The following GAB4 variants were observed in gnomAD, a reference collection of about 807,000 sequenced individuals.
GAB4 encodes GRB2 associated binding protein family member 4, also known as GRB2-associated-binding protein 4.
Under a neutral mutation model 51.3 loss-of-function variants are expected in GAB4, and 26 were observed. The observed-to-expected ratio is 0.51, with a 90% CI of 0.37 to 0.70. The LOEUF (loss-of-function observed/expected upper bound fraction) is 0.70. GAB4 is among the 30% of genes least tolerant of loss of function. The pLI is 0.00. For synonymous variants in GAB4, 329 were observed against 291.2 expected (o/e 1.13, Z -1.32); for missense variants, 759 against 734.6 (o/e 1.03, Z -0.38).
intron 1 of GAB4, among the ~76,000 whole-genome samples, chr22:16,998,512 C>T (rs1185416598): frequency 6.6e-6 from 1 of 152,194 alleles, no homozygotes; most frequent in Non-Finnish European, 1.5e-5. Context: ...TAAGACTTGG[C>T]TGAAGTTGCT....
chr22:16,975,240 C>T (rs1031980543), intron 3 of GAB4, among the ~76,000 whole-genome samples: 22 of 152,188 alleles, frequency 1.4e-4, no homozygotes, highest in Non-Finnish European at 5.9e-5. Flanking sequence ...CCATGGAGAC[C>T]AGCAAGCTAA....
At chr22:17,000,927 G>T (rs576545333) in intron 1 of GAB4, among the ~76,000 whole-genome samples, 53 of 152,060 alleles carry the variant, frequency 3.5e-4, no homozygotes, top group Non-Finnish European at 7.5e-4. Flanking sequence ...TGAAATTCTG[G>T]GTTGAAAATT....
Position 16,979,571 on chromosome 22 carries a change from A to G in GAB4, c.686+8389T>C, listed in dbSNP as rs139273486. Reference sequence around the variant, plus strand: ...ATGCTCATGGATAGGAAGAATCAATATCGTGAAAATGGCCATACTGCCCAA... The same window carrying G: ...ATGCTCATGGATAGGAAGAATCAATGTCGTGAAAATGGCCATACTGCCCAA... On this transcript the variant is annotated intron_variant, in intron 3 of 9. Transcript: ENST00000400588. Among the ~76,000 whole-genome samples, 608 of 152,332 alleles carry G rather than the reference A, an allele frequency of 4.0e-3. 1 individual carries two copies. The highest frequency in any genetic ancestry group is 0.024 in the Middle Eastern group (7 of 294).
In GAB4 at chr22:17,004,864, G is replaced by A. The variant is rs150557258; in HGVS notation, c.174+3077C>T. ...GATGGAACATATCTCAAAATAATAC[G>A]TTATTTATGACAAACCCACAGCTAA... On this transcript the variant is annotated intron_variant, in intron 1 of 9. Coordinates refer to ENST00000400588, the MANE Select transcript of GAB4 (RefSeq NM_001037814.1). 4.2e-3 allele frequency among the ~76,000 whole-genome samples: 639 copies of A among 152,166 alleles called. 3 individuals carry two copies. The highest frequency in any genetic ancestry group is 7.2e-3 in the Non-Finnish European group (489 of 68,014).
At chr22:16,979,182 C>A (rs963442760) in intron 3 of GAB4, among the ~76,000 whole-genome samples, 18 of 152,050 alleles carry the variant, frequency 1.2e-4, no homozygotes, top group African/African-American at 4.1e-4. Context: ...CTGGCCAGGG[C>A]AATCAGTCAA....
chr22:17,006,564 T>C (rs1453344826), intron 1 of GAB4, among the ~76,000 whole-genome samples: 2 of 152,218 alleles, frequency 1.3e-5, no homozygotes, highest in Non-Finnish European at 2.9e-5. Context: ...CCCGTATGTT[T>C]ATTGCAGCAC....
intron 1 of GAB4, among the ~76,000 whole-genome samples, chr22:16,993,289 C>T (rs145029251): frequency 1.3e-5 from 2 of 152,242 alleles, no homozygotes; most frequent in Non-Finnish European, 2.9e-5. Context: ...GAGCTTGTCT[C>T]GGCTATTGGA....
At chr22:16,968,258 C>T (rs1311709356) in intron 5 of GAB4, 40 bp downstream of exon 5, 5 of 1,407,240 alleles carry the variant, frequency 3.6e-6, no homozygotes, top group East Asian at 4.6e-5. Flanking sequence ...CCTTTACCTC[C>T]CTGAGCCAGT....
At chr22:16,997,081 G>T (rs900378130) in intron 1 of GAB4, among the ~76,000 whole-genome samples, 21 of 152,024 alleles carry the variant, frequency 1.4e-4, no homozygotes, top group Non-Finnish European at 2.8e-4. Context: ...CTTTGCTATT[G>T]TGAATAGTGC....
chr22:16,993,159 A>G (rs2060926592), intron 1 of GAB4, among the ~76,000 whole-genome samples: 1 of 152,144 alleles, frequency 6.6e-6, no homozygotes, highest in African/African-American at 2.4e-5. Context: ...AGACTGAGTG[A>G]TCCATGAGCA....
intron 1 of GAB4, among the ~76,000 whole-genome samples, chr22:17,006,023 G>A (rs1205914982): frequency 1.3e-5 from 2 of 152,252 alleles, no homozygotes; most frequent in Admixed American, 6.5e-5. Context: ...TGACAAATGG[G>A]ATCTATTTAA....
At chr22:16,996,541 G>A (rs1291916425) in intron 1 of GAB4, among the ~76,000 whole-genome samples, 1 of 152,058 alleles carries the variant, frequency 6.6e-6, no homozygotes, top group Non-Finnish European at 1.5e-5. Context: ...GGGAAAAAAT[G>A]GTAAGGGCAG....
chr22:16,966,381 G>A lies in GAB4; in HGVS notation c.1024-17C>T. ...TCTTCCTGGCTAGGAAGAGGACAGT[G>A]AAAGAAACACAGCTATCACCAGCAA... On this transcript the variant is annotated splice_polypyrimidine_tract_variant and intron_variant, in intron 5 of 9. Transcript: ENST00000400588. 1 of 1,602,252 alleles carries A rather than the reference G, an allele frequency of 6.2e-7. No individual in the cohort carries two copies.
intron 4 of GAB4, 143 bp downstream of exon 4, chr22:16,969,800 G>T: frequency 1.9e-6 from 2 of 1,035,532 alleles, no homozygotes; most frequent in Non-Finnish European, 2.9e-6. Flanking sequence ...CCACCACCAT[G>T]GCATAGAGGT....
In GAB4 at chr22:16,962,629, C is replaced by T; in HGVS notation, c.*104G>A. 2 of 1,106,530 alleles carry T rather than the reference C, an allele frequency of 1.8e-6. No homozygotes were observed. The highest frequency in any genetic ancestry group is 4.8e-5 in the Admixed American group (2 of 41,532). 68.5% of individuals were successfully genotyped at this position (1,106,530 alleles called of 1,614,324 possible). A position where few individuals can be genotyped will look rare whatever the true frequency, so the allele number is the denominator to read the frequency against. On this transcript the variant is annotated 3_prime_UTR_variant, in exon 10 of 10. Coordinates refer to ENST00000400588, the MANE Select transcript of GAB4 (RefSeq NM_001037814.1). ...AGGATGTATATTGATCAGGCCTCTG[C>T]TCTCTATGTAAGGGATGCGGTCCCT...
chr22:16,963,473 C>A (rs1434387659), intron 9 of GAB4, among the ~76,000 whole-genome samples: 1 of 152,178 alleles, frequency 6.6e-6, no homozygotes, highest in East Asian at 1.9e-4. Context: ...CCACAACCTC[C>A]ACAGATCAGG....
At chr22:16,979,125 A>G (rs1237665730) in intron 3 of GAB4, among the ~76,000 whole-genome samples, 1 of 152,208 alleles carries the variant, frequency 6.6e-6, no homozygotes, top group Non-Finnish European at 1.5e-5. Flanking sequence ...CTGGCACAAG[A>G]CAAGGATGCC....
chr22:16,976,440 T>C lies in GAB4; in HGVS notation c.687-6247A>G, dbSNP rs529084930. On this transcript the variant is annotated intron_variant, in intron 3 of 9. Coordinates refer to ENST00000400588, the MANE Select transcript of GAB4 (RefSeq NM_001037814.1). Reference sequence around the variant, plus strand: ...TATCAGAGATTGAAGATCAACTTAATGAAATAAAGCATGAAGACGAGATTA... The same window carrying C: ...TATCAGAGATTGAAGATCAACTTAACGAAATAAAGCATGAAGACGAGATTA... Among the ~76,000 whole-genome samples the C allele has an allele frequency of 5.9e-5, 9 of 151,958 alleles. No individual in the cohort carries two copies. In the South Asian group the frequency reaches 1.9e-3, roughly 32 times the overall value.
chr22:16,980,144 G>A lies in GAB4; in HGVS notation c.686+7816C>T, dbSNP rs2060815253. Among the ~76,000 whole-genome samples the A allele has an allele frequency of 5.3e-5, 8 of 152,248 alleles. 1 individual carries two copies. The South Asian group carries it at 1.7e-3, about 32-fold the overall frequency. ...AACACCAAAAGCAATGGCAACAAAAGCCAAAATAGACAAATAGGATCTAAT... is the reference window on the plus strand; with the variant it reads ...AACACCAAAAGCAATGGCAACAAAAACCAAAATAGACAAATAGGATCTAAT... On this transcript the variant is annotated intron_variant, in intron 3 of 9. Coordinates refer to ENST00000400588, the MANE Select transcript of GAB4 (RefSeq NM_001037814.1).
Sources: allele counts gnomAD v4.1 joint callset (sites outside exome capture counted in the v4.1 genomes callset), GRCh38; gene constraint gnomAD v4.1.1; transcripts MANE v1.5; gene names NCBI Gene and HGNC (gene_info 2026-07-23, HGNC 2026-07-21).